The following ARMC9 variants were observed in gnomAD, a reference collection of about 807,000 sequenced individuals.
The protein encoded by ARMC9 is lisH domain-containing protein ARMC9.
ARMC9 carries 94 observed loss-of-function variants against 107.0 expected under a neutral mutation model. The ratio of observed to expected loss-of-function variants is 0.88; its 90% CI spans 0.74 to 1.04. ARMC9 has a LOEUF of 1.04. Among genes scored for constraint, ARMC9 ranks in the 50% least tolerant of loss-of-function variants. The probability of loss-of-function intolerance (pLI) is 0.00; values close to 1 mark genes in which losing one functional copy is unlikely to be tolerated. For synonymous variants in ARMC9, 380 were observed against 396.9 expected (o/e 0.96, Z 0.51); for missense variants, 942 against 1,030.1 (o/e 0.91, Z 1.17).
Position 231,360,169 on chromosome 2 carries a change from C to T in ARMC9, c.2132-585C>T, listed in dbSNP as rs1446283070. ...GATGCTATCTGGGATTCTCCGTCTGCTTCCCCGTGAAGGGCTCCTGCGTGT... is the reference window on the plus strand; with the variant it reads ...GATGCTATCTGGGATTCTCCGTCTGTTTCCCCGTGAAGGGCTCCTGCGTGT... On this transcript the variant is annotated intron_variant, in intron 22 of 24. Coordinates refer to ENST00000611582, the MANE Select transcript of ARMC9 (RefSeq NM_001352754.2). This position sits in a 1 kb window ranked among gnomAD's most constrained non-coding sequence, Gnocchi z 4.7. 6.6e-6 allele frequency among the ~76,000 whole-genome samples: 1 copy of T among 152,086 alleles called. No individual in the cohort carries two copies. Among genetic ancestry groups the T allele is most frequent in the Non-Finnish European group, 1.5e-5 (1 of 68,014 alleles).
At position 231,362,354 on chromosome 2, in the gene ARMC9, G is replaced by A. The variant is rs533403025; in HGVS notation, c.2261+1471G>A. ...TGCGGTTCAGCCAGGCCAAACCTACGCTTCCGGTATAGGCCACTTCTTTTT... is the reference window on the plus strand; with the variant it reads ...TGCGGTTCAGCCAGGCCAAACCTACACTTCCGGTATAGGCCACTTCTTTTT... On this transcript the variant is annotated intron_variant, in intron 23 of 24. Coordinates refer to ENST00000611582, the MANE Select transcript of ARMC9 (RefSeq NM_001352754.2). The surrounding 1 kb of genome is among the most constrained non-coding windows in gnomAD (Gnocchi z 4.7). Among the ~76,000 whole-genome samples, 30 of 152,184 alleles carry A rather than the reference G, an allele frequency of 2.0e-4. No individual in the cohort carries two copies. Among genetic ancestry groups the A allele is most frequent in the Admixed American group, 1.4e-3 (22 of 15,292 alleles).
chr2:231,269,654 T>C (rs1012221959), intron 12 of ARMC9, among the ~76,000 whole-genome samples: 5 of 152,064 alleles, frequency 3.3e-5, no homozygotes, highest in Non-Finnish European at 4.4e-5. Flanking sequence ...CCTGGGATTA[T>C]AGGCATGAGC....
chr2:231,304,796 C>CA (rs1184546742), intron 19 of ARMC9, among the ~76,000 whole-genome samples: 1 of 152,184 alleles, frequency 6.6e-6, no homozygotes, highest in African/African-American at 2.4e-5. Context: ...CTATTGAGCT[C>CA]ACAATGGCAG....
At chr2:231,248,446 T>C (rs1195832867) in intron 9 of ARMC9, among the ~76,000 whole-genome samples, 1 of 152,190 alleles carries the variant, frequency 6.6e-6, no homozygotes, top group Non-Finnish European at 1.5e-5. Context: ...ACTATCTTGC[T>C]CAACACCGTT....
rs1226959333 is a variant in ARMC9 at position 231,237,753 on chromosome 2, G to GTATATA, written c.781-2166_781-2161dup. ...TTTCATGTATTGTTCTTGGCTATAT[G>GTATATA]TATATATATATATATATATATATAT... is the stretch of plus-strand genomic sequence containing the variant. On this transcript the variant is annotated intron_variant, in intron 8 of 24. Transcript: ENST00000611582. Among the ~76,000 whole-genome samples the GTATATA allele has an allele frequency of 7.0e-3, 170 of 24,432 alleles. 1 individual carries two copies. The highest frequency in any genetic ancestry group is 9.9e-3 in the Non-Finnish European group (129 of 13,080). The allele number at this position is 24,432 out of a possible 152,430, so 16.0% of individuals were successfully genotyped here.
At chr2:231,305,685 T>A (rs975948255) in intron 19 of ARMC9, among the ~76,000 whole-genome samples, 1 of 152,196 alleles carries the variant, frequency 6.6e-6, no homozygotes, top group East Asian at 1.9e-4. Context: ...ATAACTTACC[T>A]ACCCTGCAAG....
chr2:231,336,047 C>G (rs1006437341), intron 20 of ARMC9, among the ~76,000 whole-genome samples: 3 of 151,748 alleles, frequency 2.0e-5, no homozygotes, highest in Admixed American at 6.6e-5. Context: ...CCACTACATT[C>G]CAGCCTTGGA....
In ARMC9 at chr2:231,360,818, C is replaced by A. The variant is rs1162050685; in HGVS notation, c.2196C>A (p.Ala732=). The A allele has an allele frequency of 6.5e-7, 1 of 1,535,976 alleles. No individual in the cohort carries two copies. Among genetic ancestry groups the A allele is most frequent in the African/African-American group, 1.4e-5 (1 of 73,054 alleles). Residue 732 remains alanine (A), a synonymous_variant, in exon 23 of 25, where the codon GCC becomes GCA. Coordinates refer to ENST00000611582, the MANE Select transcript of ARMC9 (RefSeq NM_001352754.2). This position sits in a 1 kb window ranked among gnomAD's most constrained non-coding sequence, Gnocchi z 4.7. The part of the protein sequence containing the change: ...PRGRQEEPRP[A]PTGTPRQPRE... Reference sequence around the variant, plus strand: ...GACGCCAGGAAGAGCCTCGCCCAGCCCCCACGGGGACCCCCCGCCAGCCAA... The same window carrying A: ...GACGCCAGGAAGAGCCTCGCCCAGCACCCACGGGGACCCCCCGCCAGCCAA...
At position 231,216,758 on chromosome 2, in the gene ARMC9, C is replaced by G. The variant is rs762109220; in HGVS notation, c.469C>G (p.Pro157Ala). Residue 157 changes from proline (P) to alanine (A), a missense_variant, in exon 5 of 25, where the codon CCT (proline) becomes GCT (alanine). By Grantham distance (27) the Pro-to-Ala change is conservative. Transcript: ENST00000611582. ...CTATGCCCTTCCTTTTGTTCCCAAC[C>G]CTATGGTGCACCCCTCATTTAAAGA... The part of the protein sequence containing the change: ...PFYALPFVPN[P>A]MVHPSFKELF... 1 of 1,614,056 alleles carries G rather than the reference C, an allele frequency of 6.2e-7. No individual in the cohort carries two copies. The highest frequency in any genetic ancestry group is 8.5e-7 in the Non-Finnish European group (1 of 1,179,974).
chr2:231,366,885 C>G (rs755165278), intron 23 of ARMC9, among the ~76,000 whole-genome samples: 18 of 150,876 alleles, frequency 1.2e-4, no homozygotes, highest in Non-Finnish European at 1.8e-4. Context: ...GAGTCTCGCT[C>G]TGTCGCCCAG....
At chr2:231,269,161 A>G (rs757842462) in intron 12 of ARMC9, among the ~76,000 whole-genome samples, 1 of 152,042 alleles carries the variant, frequency 6.6e-6, no homozygotes, top group Admixed American at 6.6e-5. Context: ...AATCTTCCCA[A>G]TTTCCCATTG....
chr2:231,343,488 G>A (rs1238125335), intron 20 of ARMC9, among the ~76,000 whole-genome samples: 3 of 152,002 alleles, frequency 2.0e-5, no homozygotes, highest in South Asian at 2.1e-4. Flanking sequence ...GTTCCCAGGC[G>A]CCCTTCACAT....
intron 21 of ARMC9, among the ~76,000 whole-genome samples, 168 bp from the exon 22 acceptor site, chr2:231,355,630 C>T (rs1008093052): frequency 1.3e-5 from 2 of 152,248 alleles, no homozygotes; most frequent in African/African-American, 4.8e-5. Flanking sequence ...ACAGGGTCAG[C>T]CTCCTGGCTC....
At chr2:231,340,192 C>CT (rs1559485640) in intron 20 of ARMC9, among the ~76,000 whole-genome samples, 1 of 152,102 alleles carries the variant, frequency 6.6e-6, no homozygotes, top group African/African-American at 2.4e-5. Flanking sequence ...TATGGGGAGG[C>CT]TAAAGGAAGA....
In ARMC9 at chr2:231,253,566, G is replaced by T. The variant is rs1329879543; in HGVS notation, c.880-3020G>T. ...TGTCTCAAAAAAAAGAAAAAAAAAT[G>T]TTATGGACCAGAGTTGGGCTTCTCC... On this transcript the variant is annotated intron_variant, in intron 9 of 24. Transcript: ENST00000611582. Among the ~76,000 whole-genome samples, 5 of 152,244 alleles carry T rather than the reference G, an allele frequency of 3.3e-5. No homozygotes were observed. In the East Asian group the frequency reaches 9.6e-4, roughly 29 times the overall value.
intron 7 of ARMC9, among the ~76,000 whole-genome samples, chr2:231,231,882 T>C (rs2035259001): frequency 6.6e-6 from 1 of 151,028 alleles, no homozygotes; most frequent in South Asian, 2.1e-4. Context: ...AGAGACGGGG[T>C]TTCCCCGTGT....
chr2:231,332,998 A>G lies in ARMC9; in HGVS notation c.1878+1101A>G, dbSNP rs147422728. Among the ~76,000 whole-genome samples, 805 of 152,302 alleles carry G rather than the reference A, an allele frequency of 5.3e-3. 3 individuals carry two copies. Among genetic ancestry groups the G allele is most frequent in the African/African-American group, 0.019 (778 of 41,564 alleles). On this transcript the variant is annotated intron_variant, in intron 20 of 24. Transcript: ENST00000611582. ...TGGGAAGGAGAAAGACGATGCATGC[A>G]GGTGGCCTGAGGCTTTATGGGAGCA... is the stretch of plus-strand genomic sequence containing the variant.
chr2:231,201,151 G>C (rs60953838), intron 1 of ARMC9, among the ~76,000 whole-genome samples: 49,227 of 152,016 alleles, frequency 0.32, 9,066 homozygotes, highest in African/African-American at 0.5. Flanking sequence ...TGTCCCCCAG[G>C]AGCAGCTGCC....
At chr2:231,291,494 G>T (rs761990461) in intron 18 of ARMC9, 51 bp downstream of exon 18, 1 of 1,563,504 alleles carries the variant, frequency 6.4e-7, no homozygotes, top group East Asian at 2.3e-5. Flanking sequence ...ATTCACATTT[G>T]CCAGAAAGAC....
Sources: gnomAD v4.1 joint callset for allele counts (sites outside exome capture counted in the v4.1 genomes callset) on GRCh38, gnomAD v4.1.1 for gene constraint, Gnocchi (gnomAD v3.1) non-coding constraint, MANE v1.5 for transcripts, NCBI Gene and HGNC (gene_info 2026-07-23, HGNC 2026-07-21) for gene names.